Variants in ADRA1A observed in about 807,000 individuals in gnomAD.
The protein encoded by ADRA1A is adrenoceptor alpha 1A.
A neutral mutation model predicts 29.6 loss-of-function variants in ADRA1A; 31 were observed. The ratio of observed to expected loss-of-function variants is 1.05; its 90% CI spans 0.79 to 1.41. The LOEUF is 1.41. Among genes scored for constraint, ADRA1A ranks in the 40% most tolerant of loss-of-function variants. The pLI is 0.00. For synonymous variants in ADRA1A, 311 were observed against 254.3 expected (o/e 1.22, Z -2.12); for missense variants, 619 against 601.1 (o/e 1.03, Z -0.31).
chr8:26,801,722 C>T (rs931524537), intron 2 of ADRA1A, among the ~76,000 whole-genome samples: 4 of 151,848 alleles, frequency 2.6e-5, no homozygotes, highest in Non-Finnish European at 4.4e-5. Flanking sequence ...CAATCCCTAT[C>T]GAAATACCAA....
chr8:26,759,982 T>G (rs965608626), intron 2 of ADRA1A, among the ~76,000 whole-genome samples: 12 of 152,268 alleles, frequency 7.9e-5, no homozygotes, highest in Admixed American at 5.2e-4. Context: ...ATTGATATTG[T>G]GGAACCAGAT....
rs545682716 is a variant in ADRA1A, at chr8:26,787,405, C to A, written c.884-16739G>T. 6.6e-6 allele frequency among the ~76,000 whole-genome samples: 1 copy of A among 151,954 alleles called. No individual in the cohort carries two copies. Among genetic ancestry groups the A allele is most frequent in the African/African-American group, 2.4e-5 (1 of 41,352 alleles). On this transcript the variant is annotated intron_variant, in intron 2 of 2. Transcript: ENST00000380573. The surrounding 1 kb of genome is among the most constrained non-coding windows in gnomAD (Gnocchi z 4.2). The stretch of plus-strand genomic sequence containing the variant: ...GACATGTTTGGACATGGAAAAAAAA[C>A]CCACACATACTATATTCTGTCTGAA...
downstream of ADRA1A, chr8:26,756,336 A>AAT: frequency 2.4e-6 from 2 of 839,656 alleles, no homozygotes; most frequent in Non-Finnish European, 3.2e-6. Context: ...AACCCATAAA[A>AAT]GTTCCCCTTT....
chr8:26,766,130 T>A (rs148309211), downstream of ADRA1A: 31 of 1,612,058 alleles, frequency 1.9e-5, no homozygotes, highest in African/African-American at 3.9e-4. Flanking sequence ...CTTGGTGAAA[T>A]ATCTACAATC....
intron 2 of ADRA1A, among the ~76,000 whole-genome samples, chr8:26,830,802 C>T (rs1399166969): frequency 6.6e-6 from 1 of 152,172 alleles, no homozygotes; most frequent in African/African-American, 2.4e-5. Flanking sequence ...CTTGTGTTAA[C>T]TCTTTTGGAA....
At chr8:26,861,310 T>TG (rs1813442093) in intron 2 of ADRA1A, among the ~76,000 whole-genome samples, 2 of 120,188 alleles carry the variant, frequency 1.7e-5, no homozygotes, top group South Asian at 5.2e-4. Flanking sequence ...TCTGTTTTTT[T>TG]TTTTTTTTTT....
chr8:26,864,496 G>A lies in ADRA1A; in HGVS notation c.474C>T (p.Ser158=), dbSNP rs749481229. Reference sequence around the variant, plus strand: ...GCCTCCAGCCGAACAGGGGTCCAATGGATATGACCAGGGAGAGTGCCCAGA... The same window carrying A: ...GCCTCCAGCCGAACAGGGGTCCAATAGATATGACCAGGGAGAGTGCCCAGA... The part of the protein sequence containing the change: ...LCVWALSLVI[S]IGPLFGWRQP... The change falls in exon 2 of 3, where the codon TCC becomes TCT. Residue 158 remains serine, a synonymous_variant. Transcript: ENST00000380573. This position sits in a 1 kb window ranked among gnomAD's most constrained non-coding sequence, Gnocchi z 8.1. The A allele has an allele frequency of 8.7e-6, 14 of 1,613,956 alleles. No homozygotes were observed. Among genetic ancestry groups the A allele is most frequent in the Non-Finnish European group, 1.2e-5 (14 of 1,180,036 alleles).
At position 26,796,881 on chromosome 8, in the gene ADRA1A, G is replaced by T. The variant is rs1326466723; in HGVS notation, c.884-26215C>A. Among the ~76,000 whole-genome samples, 4 of 152,094 alleles carry T rather than the reference G, an allele frequency of 2.6e-5. No homozygotes were observed. The highest frequency in any genetic ancestry group is 5.9e-5 in the Non-Finnish European group (4 of 68,014). ...AGGCAGATATGTTCAGGACATATTG[G>T]AGAGGTTTATTCCCTCACTGCGCAA... On this transcript the variant is annotated intron_variant, in intron 2 of 2. Coordinates refer to ENST00000380573, the MANE Select transcript of ADRA1A (RefSeq NM_000680.4). This position sits in a 1 kb window ranked among gnomAD's most constrained non-coding sequence, Gnocchi z 5.0.
chr8:26,817,864 G>A (rs958813255), intron 2 of ADRA1A, among the ~76,000 whole-genome samples: 7 of 152,122 alleles, frequency 4.6e-5, no homozygotes, highest in African/African-American at 1.7e-4. Context: ...ATAAAAACTT[G>A]TTCATTTAAA....
rs188963080 is a variant in ADRA1A at position 26,819,569 on chromosome 8, A to G, written c.883+44518T>C. Among the ~76,000 whole-genome samples, 422 of 152,308 alleles carry G rather than the reference A, an allele frequency of 2.8e-3. 8 individuals are homozygous for G. Among genetic ancestry groups the G allele is most frequent in the Admixed American group, 0.023 (359 of 15,296 alleles). ...TAGCTTAAAATAGATTGTTACAACT[A>G]TAAGATGTTTGATGTAAGCTTCATG... On this transcript the variant is annotated intron_variant, in intron 2 of 2. Transcript: ENST00000380573.
rs1163879813 is a variant in ADRA1A at position 26,865,444 on chromosome 8, C to T, written c.-475G>A. Reference sequence around the variant, plus strand: ...CAGTCTCTCCCTCAAACCAAAAGATCAGCCGTCGACGCTCAAAGGCAGGGA... The same window carrying T: ...CAGTCTCTCCCTCAAACCAAAAGATTAGCCGTCGACGCTCAAAGGCAGGGA... On this transcript the variant is annotated 5_prime_UTR_variant, in exon 2 of 3. Coordinates refer to ENST00000380573, the MANE Select transcript of ADRA1A (RefSeq NM_000680.4). The surrounding 1 kb of genome is among the most constrained non-coding windows in gnomAD (Gnocchi z 7.6). The T allele has an allele frequency of 2.0e-6, 2 of 1,001,570 alleles. No homozygotes were observed. Among genetic ancestry groups the T allele is most frequent in the African/African-American group, 1.7e-5 (1 of 57,360 alleles). The allele number at this position is 1,001,570 out of a possible 1,614,324, so 62.0% of individuals were successfully genotyped here.
In ADRA1A at chr8:26,841,843, G is replaced by C. The variant is rs534553532; in HGVS notation, c.883+22244C>G. 6.6e-6 allele frequency among the ~76,000 whole-genome samples: 1 copy of C among 152,114 alleles called. No homozygotes were observed. Among genetic ancestry groups the C allele is most frequent in the African/African-American group, 2.4e-5 (1 of 41,478 alleles). The stretch of plus-strand genomic sequence containing the variant: ...TCCCCTTGACTTCTCTGCTGCATTT[G>C]ATATTGGCGCCACTTTCTCTTCACT... On this transcript the variant is annotated intron_variant, in intron 2 of 2. Coordinates refer to ENST00000380573, the MANE Select transcript of ADRA1A (RefSeq NM_000680.4). This position sits in a 1 kb window ranked among gnomAD's most constrained non-coding sequence, Gnocchi z 4.4.
intron 2 of ADRA1A, among the ~76,000 whole-genome samples, chr8:26,772,906 T>C (rs1009038375): frequency 6.6e-6 from 1 of 151,906 alleles, no homozygotes; most frequent in Non-Finnish European, 1.5e-5. Context: ...TTGGAAAACA[T>C]GTAAAGTGAG....
chr8:26,809,873 G>A (rs150275459), intron 2 of ADRA1A, among the ~76,000 whole-genome samples: 14 of 152,264 alleles, frequency 9.2e-5, no homozygotes, highest in African/African-American at 2.9e-4. Context: ...TAAATAGCTC[G>A]CTATATAATT....
intron 2 of ADRA1A, among the ~76,000 whole-genome samples, chr8:26,862,270 G>A (rs1291301659): frequency 6.6e-6 from 1 of 152,088 alleles, no homozygotes; most frequent in Non-Finnish European, 1.5e-5. Flanking sequence ...TGCAAGCTTT[G>A]CTCTTCAGTC....
At chr8:26,760,345 G>C (rs890886430) in intron 2 of ADRA1A, among the ~76,000 whole-genome samples, 12 of 152,308 alleles carry the variant, frequency 7.9e-5, no homozygotes, top group African/African-American at 2.9e-4. Context: ...GCTCATGAAG[G>C]CTTAGGCTTT....
At chr8:26,765,417 G>T (rs1044708187), downstream of ADRA1A, among the ~76,000 whole-genome samples, 1 of 152,156 alleles carries the variant, frequency 6.6e-6, no homozygotes, top group Non-Finnish European at 1.5e-5. Context: ...GGTTCTGGAG[G>T]GCCAGGAGGC....
intron 2 of ADRA1A, among the ~76,000 whole-genome samples, chr8:26,862,868 G>A (rs1378880295): frequency 6.6e-6 from 1 of 152,204 alleles, no homozygotes; most frequent in Admixed American, 6.5e-5. Context: ...CATTTAAATA[G>A]CTATCCTTGG....
In ADRA1A at chr8:26,815,141, CT is replaced by C. The variant is rs1809669344; in HGVS notation, c.884-44476del. ...TGGGCCAAAGTATCAAAAATTTCCA[CT>C]ACCAAATCCTCACCAAGACTTACTG... On this transcript the variant is annotated intron_variant, in intron 2 of 2. Transcript: ENST00000380573. This position sits in a 1 kb window ranked among gnomAD's most constrained non-coding sequence, Gnocchi z 4.2. 6.6e-6 allele frequency among the ~76,000 whole-genome samples: 1 copy of C among 152,186 alleles called. No individual in the cohort carries two copies. Among genetic ancestry groups the C allele is most frequent in the Non-Finnish European group, 1.5e-5 (1 of 68,022 alleles).
Sources: allele counts gnomAD v4.1 joint callset (sites outside exome capture counted in the v4.1 genomes callset), GRCh38; gene constraint gnomAD v4.1.1; non-coding constraint Gnocchi (gnomAD v3.1); transcripts MANE v1.5; gene names NCBI Gene and HGNC (gene_info 2026-07-23, HGNC 2026-07-21).